The following MAP1LC3A variants were observed in gnomAD, a reference collection of about 807,000 sequenced individuals.
MAP1LC3A encodes the protein microtubule associated protein 1 light chain 3 alpha, also known as microtubule-associated protein 1 light chain 3 alpha.
Under a neutral mutation model 15.2 loss-of-function variants are expected in MAP1LC3A, and 10 were observed. The ratio of observed to expected loss-of-function variants is 0.66; its 90% CI spans 0.41 to 1.12. The LOEUF is 1.12. MAP1LC3A is among the 50% of genes most tolerant of loss of function. MAP1LC3A has a pLI of 0.00. For synonymous variants in MAP1LC3A, 63 were observed against 64.3 expected, an observed-to-expected ratio of 0.98 and a Z score of 0.10; for missense variants, 138 against 167.3, an observed-to-expected ratio of 0.82 and a Z score of 0.97.
At chr20:34,559,513 C>CCCTTCTCGGCGG in intron 3 of MAP1LC3A, 60 bp downstream of exon 3, 1 of 1,488,886 alleles carries the variant, frequency 6.7e-7, no homozygotes, top group Non-Finnish European at 9.3e-7. Context: ...GGGTTCCCGC[C>CCCTTCTCGGCGG]GAGAAGGGGT....
upstream of MAP1LC3A, chr20:34,558,482 G>A: frequency 9.8e-7 from 1 of 1,022,672 alleles, no homozygotes; most frequent in Non-Finnish European, 1.2e-6. The surrounding 1 kb of genome is among the most constrained non-coding windows in gnomAD (Gnocchi z 4.3). Context: ...GGCCTAGGGC[G>A]GCCCCACCGC....
Position 34,558,969 on chromosome 20 carries a change from C to T in MAP1LC3A, c.40+61C>T, listed in dbSNP as rs549915704. 5.9e-4 allele frequency: 791 copies of T among 1,344,018 alleles called. 4 individuals are homozygous for T. The African/African-American group carries it at 0.011, about 19-fold the overall frequency. 83.3% of individuals were successfully genotyped at this position (1,344,018 alleles called of 1,614,324 possible). On this transcript the variant is annotated intron_variant, in intron 1 of 3. Coordinates refer to ENST00000360668, the MANE Select transcript of MAP1LC3A (RefSeq NM_032514.4). This position sits in a 1 kb window ranked among gnomAD's most constrained non-coding sequence, Gnocchi z 4.3. The stretch of plus-strand genomic sequence containing the variant: ...AGGGGTGCCGGCCGACCCCGACTGC[C>T]GCAGGTGACGTCAGCCCCGTGACGT...
chr20:34,558,225 G>T (rs1982232213), upstream of MAP1LC3A: 7 of 979,800 alleles, frequency 7.1e-6, no homozygotes, highest in Non-Finnish European at 8.5e-6. The surrounding 1 kb of genome is among the most constrained non-coding windows in gnomAD (Gnocchi z 4.3). Flanking sequence ...GAATTTCGAT[G>T]GCTCTACTTT....
At chr20:34,549,873 T>C (rs1006584824) in intron 1 of MAP1LC3A, 3 of 916,444 alleles carry the variant, frequency 3.3e-6, no homozygotes, top group Admixed American at 1.9e-5. Context: ...GCCTCCTGCC[T>C]CCGTGCTGAT....
At position 34,559,231 on chromosome 20, in the gene MAP1LC3A, C is replaced by T; in HGVS notation, c.64C>T (p.Gln22Ter). Residue 22 changes from glutamine to a stop codon, truncating the protein, a stop_gained, in exon 2 of 4, where the codon CAG becomes TAG. Transcript: ENST00000360668. LOFTEE classifies it high-confidence loss of function. The part of the protein sequence containing the change: ...SFADRCKEVQ[Q>*]IRDQHPSKIP... Reference sequence around the variant, plus strand: ...AGCCGACCGCTGTAAGGAGGTACAGCAGATCCGCGACCAGCACCCCAGCAA... The same window carrying T: ...AGCCGACCGCTGTAAGGAGGTACAGTAGATCCGCGACCAGCACCCCAGCAA... The T allele has an allele frequency of 1.2e-6, 2 of 1,605,086 alleles. No homozygotes were observed. Among genetic ancestry groups the T allele is most frequent in the Non-Finnish European group, 1.7e-6 (2 of 1,176,856 alleles).
At chr20:34,552,098 A>G (rs1981970005) in intron 2 of MAP1LC3A, among the ~76,000 whole-genome samples, 1 of 151,986 alleles carries the variant, frequency 6.6e-6, no homozygotes, top group South Asian at 2.1e-4. Flanking sequence ...TCCAGGTTGA[A>G]GCGATTCTCC....
Position 34,558,953 on chromosome 20 carries a change from G to A in MAP1LC3A, c.40+45G>A, listed in dbSNP as rs926592837. ...CTGCGAGCTCTGGGGCAGGGGTGCC[G>A]GCCGACCCCGACTGCCGCAGGTGAC... is the stretch of plus-strand genomic sequence containing the variant. On this transcript the variant is annotated intron_variant, in intron 1 of 3. Coordinates refer to ENST00000360668, the MANE Select transcript of MAP1LC3A (RefSeq NM_032514.4). The surrounding 1 kb of genome is among the most constrained non-coding windows in gnomAD (Gnocchi z 4.3). The A allele has an allele frequency of 4.0e-5, 54 of 1,350,756 alleles. No individual in the cohort carries two copies. The highest frequency in any genetic ancestry group is 5.0e-5 in the Non-Finnish European group (53 of 1,056,890). The allele number at this position is 1,350,756 out of a possible 1,614,324, so 83.7% of individuals were successfully genotyped here. A position where few individuals can be genotyped will look rare whatever the true frequency, so the allele number is the denominator to read the frequency against.
upstream of MAP1LC3A, among the ~76,000 whole-genome samples, chr20:34,555,251 T>C (rs1982112298): frequency 1.3e-5 from 2 of 151,704 alleles, no homozygotes; most frequent in Non-Finnish European, 2.9e-5. Context: ...ATTCAAGCAA[T>C]TCTTGTGCCT....
exon 2 of MAP1LC3A, chr20:34,550,005 T>A: frequency 6.2e-7 from 1 of 1,614,174 alleles, no homozygotes; most frequent in Non-Finnish European, 8.5e-7. Flanking sequence ...CAGTTCTCCA[T>A]GTGGAAAAGC....
Position 34,551,245 on chromosome 20 carries a change from C to CA in MAP1LC3A, c.52+1229dup, listed in dbSNP as rs529127786. 5.8e-3 allele frequency among the ~76,000 whole-genome samples: 722 copies of CA among 124,820 alleles called. 7 individuals are homozygous for CA. The highest frequency in any genetic ancestry group is 0.045 in the South Asian group (178 of 3,938). The allele number at this position is 124,820 out of a possible 152,430, so 81.9% of individuals were successfully genotyped here. On this transcript the variant is annotated intron_variant, in intron 2 of 4. Coordinates refer to the MAP1LC3A transcript ENST00000374837. Reference sequence around the variant, plus strand: ...TCAGCCTGGGTGACAGACTCTGTCTCAAAAAAAAAAAAAGCCTACTGATAC... The same window carrying CA: ...TCAGCCTGGGTGACAGACTCTGTCTCAAAAAAAAAAAAAAGCCTACTGATAC...
intron 2 of MAP1LC3A, chr20:34,550,106 CAAGCAGGCCAGGGT>C: frequency 6.9e-7 from 1 of 1,443,996 alleles, no homozygotes; most frequent in Non-Finnish European, 9.7e-7. Context: ...CATCAGTGGC[CAAGCAGGCCAGGGT>C]TGCTCCGCCC....
intron 1 of MAP1LC3A, among the ~76,000 whole-genome samples, chr20:34,548,342 G>C (rs1056698570): frequency 6.6e-6 from 1 of 152,220 alleles, no homozygotes; most frequent in Non-Finnish European, 1.5e-5. Context: ...AGTGGCTGGA[G>C]GCTGCGAAGG....
intron 2 of MAP1LC3A, among the ~76,000 whole-genome samples, chr20:34,553,290 T>C (rs911348056): frequency 6.6e-6 from 1 of 152,146 alleles, no homozygotes; most frequent in East Asian, 1.9e-4. Flanking sequence ...GGGTTTGTTG[T>C]GCACAGGTCA....
chr20:34,559,668 G>C, intron 3 of MAP1LC3A, 68 bp from the exon 4 acceptor site: 1 of 1,490,532 alleles, frequency 6.7e-7, no homozygotes, highest in Non-Finnish European at 9.1e-7. Context: ...GAATCATTCT[G>C]GGGGTCAGGG....
intron 1 of MAP1LC3A, chr20:34,549,785 G>C: frequency 1.8e-6 from 1 of 545,908 alleles, no homozygotes; most frequent in South Asian, 2.5e-5. Context: ...TGGCACTGGT[G>C]GGCGTGTCTT....
upstream of MAP1LC3A, among the ~76,000 whole-genome samples, chr20:34,555,377 T>C (rs1982118318): frequency 6.6e-6 from 1 of 152,292 alleles, no homozygotes; most frequent in Admixed American, 6.5e-5. Flanking sequence ...ACTCCTGGCC[T>C]CAAGTGATCT....
intron 2 of MAP1LC3A, among the ~76,000 whole-genome samples, chr20:34,551,126 C>T (rs1981929835): frequency 6.6e-6 from 1 of 151,992 alleles, no homozygotes; most frequent in South Asian, 2.1e-4. Context: ...GTGGCATGCT[C>T]CCGTAATCCC....
chr20:34,559,574 G>A, intron 3 of MAP1LC3A, 121 bp downstream of exon 3: 6 of 1,246,732 alleles, frequency 4.8e-6, no homozygotes, highest in Non-Finnish European at 6.8e-6. Flanking sequence ...CTGTTCTGGG[G>A]TGGCTGGAAA....
chr20:34,555,167 CAG>C (rs1462869238), upstream of MAP1LC3A, among the ~76,000 whole-genome samples: 2 of 144,426 alleles, frequency 1.4e-5, no homozygotes, highest in East Asian at 4.0e-4. Context: ...TTTTTTGAGA[CAG>C]AGTCTCACTC....
Sources: gnomAD v4.1 joint callset for allele counts (sites outside exome capture counted in the v4.1 genomes callset) on GRCh38, gnomAD v4.1.1 for gene constraint, Gnocchi (gnomAD v3.1) non-coding constraint, MANE v1.5 for transcripts, NCBI Gene and HGNC (gene_info 2026-07-23, HGNC 2026-07-21) for gene names.